CNTNAP2: variants seen among roughly 807,000 people sequenced by gnomAD.
CNTNAP2 encodes the protein contactin associated protein 2.
Under a neutral mutation model 155.2 loss-of-function variants are expected in CNTNAP2, and 98 were observed. The ratio of observed to expected loss-of-function variants is 0.63; its 90% CI spans 0.54 to 0.75. CNTNAP2 has a LOEUF of 0.75. CNTNAP2 is among the 30% of genes least tolerant of loss of function. The pLI, the probability that CNTNAP2 is intolerant of heterozygous loss-of-function variation, is 0.00. For missense variants in CNTNAP2, 1,727 were observed against 1,688.1 expected (o/e 1.02, Z -0.40); for synonymous variants, 651 against 631.2 (o/e 1.03, Z -0.47).
intron 15 of CNTNAP2, among the ~76,000 whole-genome samples, chr7:148,096,004 A>AT (rs894799759): frequency 3.9e-5 from 6 of 152,152 alleles, no homozygotes; most frequent in Admixed American, 1.3e-4. Context: ...GTAGTTTAAC[A>AT]TTTTTTTCAC....
At chr7:146,336,942 G>A (rs143604158) in intron 1 of CNTNAP2, among the ~76,000 whole-genome samples, 30 of 152,308 alleles carry the variant, frequency 2.0e-4, no homozygotes, top group African/African-American at 7.0e-4. Context: ...TGGCTGTAGT[G>A]CAGGGAGAGG....
At chr7:147,267,340 A>G (rs1804635398) in intron 8 of CNTNAP2, among the ~76,000 whole-genome samples, 1 of 152,226 alleles carries the variant, frequency 6.6e-6, no homozygotes, top group African/African-American at 2.4e-5. Context: ...GTAATGGAAA[A>G]CAGTATTAAT....
intron 9 of CNTNAP2, among the ~76,000 whole-genome samples, chr7:147,358,939 C>T (rs765517461): frequency 7.2e-5 from 11 of 152,078 alleles, no homozygotes; most frequent in Non-Finnish European, 1.0e-4. Context: ...TGCAGACATA[C>T]GGTTTTGGGC....
chr7:146,587,655 C>T (rs1798714746), intron 1 of CNTNAP2, among the ~76,000 whole-genome samples: 1 of 152,006 alleles, frequency 6.6e-6, no homozygotes, highest in African/African-American at 2.4e-5. Flanking sequence ...GATTAATATA[C>T]ATCTGGTGAT....
intron 22 of CNTNAP2, among the ~76,000 whole-genome samples, chr7:148,402,498 T>C (rs1307415511): frequency 6.6e-6 from 1 of 152,218 alleles, no homozygotes; most frequent in Non-Finnish European, 1.5e-5. Context: ...ATGTCCCTTA[T>C]ATCTTCAGCA....
chr7:147,757,727 T>C (rs1360725291), intron 13 of CNTNAP2, among the ~76,000 whole-genome samples: 1 of 152,160 alleles, frequency 6.6e-6, no homozygotes, highest in Non-Finnish European at 1.5e-5. Flanking sequence ...CAGGTAAAAA[T>C]CTTAGCCTGG....
chr7:147,039,954 T>C lies in CNTNAP2; in HGVS notation c.403-3953T>C, dbSNP rs62484006. Among the ~76,000 whole-genome samples the C allele has an allele frequency of 7.1e-3, 1,085 of 152,236 alleles. 6 individuals carry two copies. The highest frequency in any genetic ancestry group is 0.01 in the Non-Finnish European group (712 of 67,998). ...TCATAACAAAGCAAATATTGACAAA[T>C]GGGATCTAATTAAACCTAAGAGCTT... On this transcript the variant is annotated intron_variant, in intron 3 of 23. Coordinates refer to ENST00000361727, the MANE Select transcript of CNTNAP2 (RefSeq NM_014141.6).
At chr7:146,497,207 G>C (rs1001167836) in intron 1 of CNTNAP2, among the ~76,000 whole-genome samples, 20 of 151,968 alleles carry the variant, frequency 1.3e-4, no homozygotes, top group African/African-American at 4.6e-4. Context: ...TCTAAATTTG[G>C]GTTAAAGTTG....
rs1563024828 is a variant in CNTNAP2 at position 148,283,312 on chromosome 7, G to GAAAGA, written c.3475+16188_3475+16189insAGAAA. On this transcript the variant is annotated intron_variant, in intron 21 of 23. Transcript: ENST00000361727. The stretch of plus-strand genomic sequence containing the variant: ...GAAAGAAAGAAAGAAAGAAAGGAAG[G>GAAAGA]AAGGAAGGAAAGAAAGAAAGAATTC... Among the ~76,000 whole-genome samples the GAAAGA allele has an allele frequency of 2.3e-4, 15 of 66,268 alleles. 1 individual carries two copies. In the East Asian group the frequency reaches 3.9e-3, roughly 17 times the overall value. 43.5% of individuals were successfully genotyped at this position (66,268 alleles called of 152,430 possible). A position where few individuals can be genotyped will look rare whatever the true frequency, so the allele number is the denominator to read the frequency against.
At chr7:148,105,006 C>T (rs1804177788) in intron 15 of CNTNAP2, among the ~76,000 whole-genome samples, 1 of 152,076 alleles carries the variant, frequency 6.6e-6, no homozygotes, top group African/African-American at 2.4e-5. Flanking sequence ...TCAAGAAACA[C>T]ATATTGAATA....
intron 13 of CNTNAP2, among the ~76,000 whole-genome samples, chr7:147,787,632 T>C (rs1349552482): frequency 3.9e-5 from 6 of 152,208 alleles, no homozygotes; most frequent in Non-Finnish European, 7.4e-5. Flanking sequence ...GGTAATTTTT[T>C]AAGGTGCTTA....
intron 1 of CNTNAP2, among the ~76,000 whole-genome samples, chr7:146,589,141 T>A (rs1413006571): frequency 6.6e-6 from 1 of 152,170 alleles, no homozygotes; most frequent in Non-Finnish European, 1.5e-5. Flanking sequence ...GAATGTTTTA[T>A]AAAACAGTAT....
intron 15 of CNTNAP2, among the ~76,000 whole-genome samples, chr7:148,033,985 G>A (rs62471662): frequency 6.6e-6 from 1 of 152,048 alleles, no homozygotes; most frequent in Non-Finnish European, 1.5e-5. Context: ...CGTGACAGAG[G>A]CAGGAAAAAG....
intron 2 of CNTNAP2, among the ~76,000 whole-genome samples, chr7:146,791,028 G>A (rs181973046): frequency 3.1e-4 from 47 of 151,794 alleles, no homozygotes; most frequent in African/African-American, 9.7e-4. Flanking sequence ...CCATCAACCC[G>A]TTATCTACAA....
chr7:147,555,899 C>T (rs1799942703), intron 11 of CNTNAP2, among the ~76,000 whole-genome samples: 1 of 152,238 alleles, frequency 6.6e-6, no homozygotes. Context: ...TCTCCCCCTA[C>T]CCTATCCATT....
chr7:146,233,884 G>C (rs912673930), intron 1 of CNTNAP2, among the ~76,000 whole-genome samples: 4 of 150,432 alleles, frequency 2.7e-5, no homozygotes, highest in Admixed American at 6.7e-5. Flanking sequence ...ATTTGGGTTG[G>C]TTCCAAGTCT....
At chr7:147,488,370 G>T (rs2116643232) in intron 11 of CNTNAP2, among the ~76,000 whole-genome samples, 1 of 152,280 alleles carries the variant, frequency 6.6e-6, no homozygotes. Context: ...CTTGCACTTT[G>T]TTCGACTGAA....
At chr7:147,760,453 A>G (rs930089535) in intron 13 of CNTNAP2, among the ~76,000 whole-genome samples, 4 of 152,218 alleles carry the variant, frequency 2.6e-5, no homozygotes, top group Non-Finnish European at 5.9e-5. Context: ...GTAAACGAAG[A>G]TACATCATTC....
intron 1 of CNTNAP2, among the ~76,000 whole-genome samples, chr7:146,135,035 TG>T (rs1303589425): frequency 6.6e-6 from 1 of 152,102 alleles, no homozygotes; most frequent in Non-Finnish European, 1.5e-5. Flanking sequence ...TGAATCCATC[TG>T]GTCCTGGACT....
Sources: allele counts gnomAD v4.1 joint callset (sites outside exome capture counted in the v4.1 genomes callset), GRCh38; gene constraint gnomAD v4.1.1; transcripts MANE v1.5; gene names NCBI Gene and HGNC (gene_info 2026-07-23, HGNC 2026-07-21).